The following IL1RAPL2 variants were observed in gnomAD, a reference collection of about 807,000 sequenced individuals.
IL1RAPL2 encodes X-linked interleukin-1 receptor accessory protein-like 2.
IL1RAPL2 carries 3 observed loss-of-function variants against 44.1 expected under a neutral mutation model. That is an observed-to-expected ratio of 0.07 (90% CI 0.03 to 0.18). IL1RAPL2 has a LOEUF of 0.18. IL1RAPL2 is among the 10% of genes least tolerant of loss of function. The pLI is 1.00. For missense variants in IL1RAPL2, 391 were observed against 496.4 expected, an observed-to-expected ratio of 0.79 and a Z score of 2.02; for synonymous variants, 181 against 178.8, an observed-to-expected ratio of 1.01 and a Z score of -0.10.
At chrX:105,339,298 A>G (rs2035052838) in intron 5 of IL1RAPL2, among the ~76,000 whole-genome samples, 2 of 91,428 alleles carry the variant, frequency 2.2e-5, no homozygotes, top group Admixed American at 2.7e-4. Flanking sequence ...TGGAAAGTCT[A>G]GGATTTCCCC....
At chrX:104,857,407 A>T (rs1922392937) in intron 2 of IL1RAPL2, among the ~76,000 whole-genome samples, 1 of 111,938 alleles carries the variant, frequency 8.9e-6, no homozygotes, top group Non-Finnish European at 1.9e-5. Context: ...GAAGGTTAGC[A>T]GTTAAACATT....
At chrX:105,612,221 C>T (rs956799715) in intron 6 of IL1RAPL2, among the ~76,000 whole-genome samples, 15 of 111,011 alleles carry the variant, frequency 1.4e-4, no homozygotes, top group African/African-American at 4.9e-4. Flanking sequence ...ATTCTCCTCC[C>T]TTAGGCTCTG....
At chrX:105,347,105 T>G (rs753647918) in intron 5 of IL1RAPL2, among the ~76,000 whole-genome samples, 1 of 112,191 alleles carries the variant, frequency 8.9e-6, no homozygotes, top group South Asian at 3.7e-4. Flanking sequence ...CTGATTTATA[T>G]CAGTCATTTT....
At chrX:105,159,266 G>A (rs748960754) in intron 2 of IL1RAPL2, among the ~76,000 whole-genome samples, 1 of 112,050 alleles carries the variant, frequency 8.9e-6, no homozygotes, top group Non-Finnish European at 1.9e-5. Flanking sequence ...TTGGAGCTTC[G>A]AGGGAAGTTT....
intron 6 of IL1RAPL2, among the ~76,000 whole-genome samples, chrX:105,494,461 C>T (rs1182205253): frequency 9.0e-6 from 1 of 111,444 alleles, no homozygotes; most frequent in African/African-American, 3.3e-5. Context: ...TATTATCTTG[C>T]TTATTCATAA....
intron 7 of IL1RAPL2, among the ~76,000 whole-genome samples, chrX:105,729,923 G>GGAAGGAAGGAA (rs1569469761): frequency 8.9e-5 from 3 of 33,781 alleles, no homozygotes; most frequent in Admixed American, 2.4e-4. Context: ...GAAGGAAGGA[G>GGAAGGAAGGAA]GGAGGGAGGG....
chrX:104,729,525 G>A (rs1931862565), intron 2 of IL1RAPL2, among the ~76,000 whole-genome samples: 2 of 76,849 alleles, frequency 2.6e-5, no homozygotes, highest in South Asian at 1.5e-3. Flanking sequence ...TTGTATTTTA[G>A]TTTCATGGGT....
chrX:105,585,914 A>G (rs2037124998), intron 6 of IL1RAPL2, among the ~76,000 whole-genome samples: 1 of 112,250 alleles, frequency 8.9e-6, no homozygotes, highest in African/African-American at 3.2e-5. Context: ...AAATCTTTGC[A>G]ATACCATTAA....
In IL1RAPL2 at chrX:105,177,722, C is replaced by T. The variant is rs960232213; in HGVS notation, c.83-17753C>T. On this transcript the variant is annotated intron_variant, in intron 2 of 10. Transcript: ENST00000372582. ...TTCCCAACCCTATCTGGCTCTACTC[C>T]CTCTTTTAAGTATAATTACAATTTT... is the stretch of plus-strand genomic sequence containing the variant. Among the ~76,000 whole-genome samples the T allele has an allele frequency of 3.6e-5, 4 of 111,458 alleles. No individual in the cohort carries two copies. In the East Asian group the frequency reaches 1.1e-3, roughly 31 times the overall value.
intron 6 of IL1RAPL2, among the ~76,000 whole-genome samples, chrX:105,673,293 GCTATTTGTC>G (rs1216429577): frequency 9.0e-6 from 1 of 110,876 alleles, no homozygotes; most frequent in Non-Finnish European, 1.9e-5. Flanking sequence ...GCATGCATTA[GCTATTTGTC>G]CTAATACTCT....
intron 1 of IL1RAPL2, among the ~76,000 whole-genome samples, chrX:104,567,888 G>T (rs757454324): frequency 8.9e-6 from 1 of 112,315 alleles, no homozygotes; most frequent in African/African-American, 3.2e-5. Flanking sequence ...CAAGGGAAAT[G>T]TGTATTATAA....
intron 2 of IL1RAPL2, among the ~76,000 whole-genome samples, chrX:104,736,352 G>A (rs956763760): frequency 1.8e-5 from 2 of 112,089 alleles, no homozygotes; most frequent in African/African-American, 6.5e-5. Flanking sequence ...TCCTTGTAGC[G>A]CATGATAGAT....
intron 5 of IL1RAPL2, among the ~76,000 whole-genome samples, chrX:105,284,369 C>G (rs1431071848): frequency 8.9e-6 from 1 of 112,124 alleles, no homozygotes; most frequent in African/African-American, 3.2e-5. Context: ...TTGAGATATG[C>G]ACATTTGCTG....
At chrX:105,139,854 T>A (rs1394365763) in intron 2 of IL1RAPL2, among the ~76,000 whole-genome samples, 1 of 112,263 alleles carries the variant, frequency 8.9e-6, no homozygotes, top group Admixed American at 9.4e-5. Context: ...CAAACCGTCA[T>A]TGAATGCGAC....
intron 2 of IL1RAPL2, among the ~76,000 whole-genome samples, chrX:104,811,495 G>T (rs745679974): frequency 9.0e-6 from 1 of 111,034 alleles, no homozygotes; most frequent in Non-Finnish European, 1.9e-5. Flanking sequence ...GCAGAATCAA[G>T]CCAAAGAGGA....
intron 1 of IL1RAPL2, among the ~76,000 whole-genome samples, chrX:104,631,428 T>G (rs1328279348): frequency 1.8e-5 from 2 of 111,860 alleles, no homozygotes; most frequent in Non-Finnish European, 3.8e-5. Flanking sequence ...ACTTCCACAA[T>G]GGTTGAACTA....
intron 5 of IL1RAPL2, among the ~76,000 whole-genome samples, chrX:105,364,873 C>T (rs985533911): frequency 7.2e-5 from 8 of 111,464 alleles, no homozygotes; most frequent in Non-Finnish European, 1.5e-4. Context: ...TTTTCCTTAC[C>T]TATATGGATG....
intron 6 of IL1RAPL2, among the ~76,000 whole-genome samples, chrX:105,688,009 C>A (rs2037997922): frequency 9.0e-6 from 1 of 111,700 alleles, no homozygotes; most frequent in Non-Finnish European, 1.9e-5. Flanking sequence ...AGGCCTTCAA[C>A]AAAATTCAGC....
chrX:104,846,174 TATA>T (rs1035291063), intron 2 of IL1RAPL2, among the ~76,000 whole-genome samples: 2 of 111,462 alleles, frequency 1.8e-5, no homozygotes, highest in African/African-American at 6.5e-5. Context: ...TTAATAGTAA[TATA>T]ATAATCATAG....
Sources: gnomAD v4.1 joint callset for allele counts (sites outside exome capture counted in the v4.1 genomes callset) on GRCh38, gnomAD v4.1.1 for gene constraint, MANE v1.5 for transcripts, NCBI Gene and HGNC (gene_info 2026-07-23, HGNC 2026-07-21) for gene names.